Variants in TTC39B observed in about 807,000 individuals in gnomAD.
TTC39B encodes tetratricopeptide repeat protein 39B.
A neutral mutation model predicts 96.6 loss-of-function variants in TTC39B; 92 were observed. That is an observed-to-expected ratio of 0.95 (90% CI 0.80 to 1.13). TTC39B has a LOEUF of 1.13. TTC39B is among the 50% of genes most tolerant of loss of function. The pLI, the probability that TTC39B is intolerant of heterozygous loss-of-function variation, is 0.00. For missense variants in TTC39B, 955 were observed against 809.3 expected, an observed-to-expected ratio of 1.18 and a Z score of -2.18; for synonymous variants, 367 against 299.4, an observed-to-expected ratio of 1.23 and a Z score of -2.33.
chr9:15,240,293 A>G (rs1322151262), intron 2 of TTC39B, among the ~76,000 whole-genome samples: 3 of 152,200 alleles, frequency 2.0e-5, no homozygotes, highest in Non-Finnish European at 2.9e-5. Context: ...CGAAGGAAAA[A>G]CAGCTGAAAA....
exon 20 of TTC39B, chr9:15,167,024 A>ATTTT (rs1564299983): frequency 6.0e-4 from 7 of 11,622 alleles, no homozygotes; most frequent in African/African-American, 6.7e-4. Context: ...ATATATATAT[A>ATTTT]TATATTTTTT....
At chr9:15,250,598 G>A (rs1478891516) in intron 2 of TTC39B, among the ~76,000 whole-genome samples, 2 of 152,124 alleles carry the variant, frequency 1.3e-5, no homozygotes, top group Non-Finnish European at 2.9e-5. Flanking sequence ...ACACATATAT[G>A]ACATGACAGT....
chr9:15,210,545 C>A (rs949320945), intron 5 of TTC39B, among the ~76,000 whole-genome samples: 63 of 152,354 alleles, frequency 4.1e-4, no homozygotes, highest in African/African-American at 1.4e-3. Context: ...GCTTACAACA[C>A]AATTACATCA....
chr9:15,250,106 A>G, intron 2 of TTC39B: 1 of 1,262,348 alleles, frequency 7.9e-7, no homozygotes, highest in Non-Finnish European at 1.0e-6. Flanking sequence ...ATTCTCAGGC[A>G]CAAGCAAAGT....
chr9:15,198,215 T>C (rs1819291890), intron 8 of TTC39B, among the ~76,000 whole-genome samples: 1 of 152,052 alleles, frequency 6.6e-6, no homozygotes, highest in Admixed American at 6.6e-5. Context: ...TCCCAGCGCT[T>C]TGGGAGGCCA....
At chr9:15,198,143 T>C (rs543958347) in intron 8 of TTC39B, among the ~76,000 whole-genome samples, 1 of 152,232 alleles carries the variant, frequency 6.6e-6, no homozygotes, top group Admixed American at 6.5e-5. Context: ...AAAATATATG[T>C]AAATCTGCTA....
intron 2 of TTC39B, among the ~76,000 whole-genome samples, chr9:15,257,833 G>T (rs1231043401): frequency 6.6e-6 from 1 of 152,024 alleles, no homozygotes; most frequent in Non-Finnish European, 1.5e-5. Flanking sequence ...TCCGAGGTGG[G>T]TGGATCATCT....
At chr9:15,180,023 G>A (rs1818163191) in intron 17 of TTC39B, among the ~76,000 whole-genome samples, 1 of 152,108 alleles carries the variant, frequency 6.6e-6, no homozygotes, top group Non-Finnish European at 1.5e-5. Context: ...GTTCATAGAT[G>A]AACATTTCGA....
intron 1 of TTC39B, among the ~76,000 whole-genome samples, chr9:15,299,679 C>T (rs1001813307): frequency 2.0e-5 from 3 of 152,110 alleles, no homozygotes; most frequent in Admixed American, 6.5e-5. Context: ...CAGGAGACTC[C>T]GCCTGAGATG....
intron 2 of TTC39B, among the ~76,000 whole-genome samples, chr9:15,241,351 C>G (rs1259029082): frequency 6.6e-6 from 1 of 151,156 alleles, no homozygotes; most frequent in Non-Finnish European, 1.5e-5. Context: ...GTGAATGAAC[C>G]ATAATTTAAA....
At chr9:15,210,277 G>A (rs929880518) in intron 5 of TTC39B, 113 bp from the exon 6 acceptor site, 1 of 684,864 alleles carries the variant, frequency 1.5e-6, no homozygotes, top group East Asian at 2.8e-5. Flanking sequence ...TCAAAAAGCT[G>A]AAACTCTAAA....
At chr9:15,265,682 A>C (rs1216548123) in intron 2 of TTC39B, among the ~76,000 whole-genome samples, 1 of 152,178 alleles carries the variant, frequency 6.6e-6, no homozygotes, top group African/African-American at 2.4e-5. Flanking sequence ...CAGTGGAAAA[A>C]CCTGACAAAC....
intron 11 of TTC39B, among the ~76,000 whole-genome samples, chr9:15,190,283 A>C (rs747744770): frequency 9.9e-5 from 15 of 151,826 alleles, no homozygotes; most frequent in Non-Finnish European, 1.9e-4. Flanking sequence ...GCTCTTGCTG[A>C]TCTTTCTAAA....
intron 1 of TTC39B, among the ~76,000 whole-genome samples, chr9:15,283,950 G>C (rs73646030): frequency 3.3e-5 from 5 of 151,792 alleles, no homozygotes; most frequent in Non-Finnish European, 7.4e-5. Context: ...AAGACCAGAA[G>C]CCTTAAAGAA....
At chr9:15,220,082 C>G (rs180812457) in intron 3 of TTC39B, among the ~76,000 whole-genome samples, 4 of 152,300 alleles carry the variant, frequency 2.6e-5, no homozygotes, top group East Asian at 3.9e-4. Context: ...GAGAACTAAA[C>G]ACTTAGAATC....
intron 13 of TTC39B, among the ~76,000 whole-genome samples, chr9:15,188,734 A>T (rs1172196051): frequency 1.7e-5 from 1 of 60,508 alleles, no homozygotes; most frequent in Non-Finnish European, 2.9e-5. Context: ...GGAAAAAAAT[A>T]TTTTTATATG....
intron 2 of TTC39B, among the ~76,000 whole-genome samples, chr9:15,266,313 A>C (rs903116946): frequency 6.6e-6 from 1 of 152,104 alleles, no homozygotes; most frequent in Non-Finnish European, 1.5e-5. Context: ...ATACTAAAAT[A>C]AAGAAAAATT....
At chr9:15,195,001 A>T (rs190307281) in intron 8 of TTC39B, among the ~76,000 whole-genome samples, 41 of 152,346 alleles carry the variant, frequency 2.7e-4, no homozygotes, top group African/African-American at 8.9e-4. Context: ...TGAAATCAAA[A>T]ACTAGAAATA....
At chr9:15,184,299 C>A (rs999108892) in intron 16 of TTC39B, among the ~76,000 whole-genome samples, 6 of 151,556 alleles carry the variant, frequency 4.0e-5, no homozygotes, top group African/African-American at 1.5e-4. Flanking sequence ...TTTTAAAAAA[C>A]CTTTCACAGA....
Sources: gnomAD v4.1 joint callset for allele counts (sites outside exome capture counted in the v4.1 genomes callset) on GRCh38, gnomAD v4.1.1 for gene constraint, MANE v1.5 for transcripts, NCBI Gene and HGNC (gene_info 2026-07-23, HGNC 2026-07-21) for gene names.